Variants in LMNA observed in about 807,000 individuals in gnomAD.
The protein encoded by LMNA is lamin A/C, also known as lamin.
Under a neutral mutation model 70.4 loss-of-function variants are expected in LMNA, and 20 were observed. That is an observed-to-expected ratio of 0.28 (90% CI 0.20 to 0.41). LMNA has a LOEUF of 0.41. Among genes scored for constraint, LMNA ranks in the 10% least tolerant of loss-of-function variants. LMNA has a pLI of 1.00. For missense variants in LMNA, 652 were observed against 917.2 expected (o/e 0.71, Z 3.73); for synonymous variants, 339 against 372.8 (o/e 0.91, Z 1.04).
Position 156,137,578 on chromosome 1 carries a change from GTGGTCACT to G in LMNA, c.1609-75_1609-68del. 1 of 1,332,684 alleles carries G rather than the reference GTGGTCACT, an allele frequency of 7.5e-7. No individual in the cohort carries two copies. Among genetic ancestry groups the G allele is most frequent in the Non-Finnish European group, 1.1e-6 (1 of 952,160 alleles). 82.6% of individuals were successfully genotyped at this position (1,332,684 alleles called of 1,614,324 possible). A position where few individuals can be genotyped will look rare whatever the true frequency, so the allele number is the denominator to read the frequency against. Reference sequence around the variant, plus strand: ...GGGCAGGCCACAAGAAAAGTTGCAGGTGGTCACTGGGGTAGACATGCTGTACAACCCTT... The same window carrying G: ...GGGCAGGCCACAAGAAAAGTTGCAGGGGGGTAGACATGCTGTACAACCCTT... On this transcript the variant is annotated intron_variant, in intron 9 of 11. Coordinates refer to ENST00000368300, the MANE Select transcript of LMNA (RefSeq NM_170707.4). This position sits in a 1 kb window ranked among gnomAD's most constrained non-coding sequence, Gnocchi z 4.6.
chr1:156,120,726 C>A (rs1306302717), intron 1 of LMNA, among the ~76,000 whole-genome samples: 1 of 147,096 alleles, frequency 6.8e-6, no homozygotes, highest in African/African-American at 2.7e-5. Flanking sequence ...AAGAAAAAAA[C>A]AAAACAAAAC....
chr1:156,110,890 C>T (rs939223429), upstream of LMNA, among the ~76,000 whole-genome samples: 2 of 151,986 alleles, frequency 1.3e-5, no homozygotes, highest in Non-Finnish European at 2.9e-5. Context: ...GCAGGCAAAT[C>T]GCTTGAACAT....
In LMNA at chr1:156,138,163, A is replaced by G. The variant is rs1651831152; in HGVS notation, c.1699-325A>G. 1.8e-6 allele frequency: 1 copy of G among 545,660 alleles called. No homozygotes were observed. The highest frequency in any genetic ancestry group is 3.3e-6 in the Non-Finnish European group (1 of 303,636). 33.8% of individuals were successfully genotyped at this position (545,660 alleles called of 1,614,324 possible). On this transcript the variant is annotated intron_variant, in intron 10 of 11. Coordinates refer to ENST00000368300, the MANE Select transcript of LMNA (RefSeq NM_170707.4). This position sits in a 1 kb window ranked among gnomAD's most constrained non-coding sequence, Gnocchi z 5.5. ...CATTCCTGACCGCCCCTCCACTCCA[A>G]TTAATAGTGCATGCCTGCTGCCCTA...
chr1:156,126,625 T>G, intron 1 of LMNA: 1 of 1,089,758 alleles, frequency 9.2e-7, no homozygotes, highest in Non-Finnish European at 1.4e-6. Flanking sequence ...GGCACAGCTC[T>G]TCAGACCCCT....
rs59270054 is a variant in LMNA, at chr1:156,115,162, G to C, written c.244G>C (p.Glu82Gln). The C allele has an allele frequency of 5.6e-6, 9 of 1,612,278 alleles. No individual in the cohort carries two copies. Among genetic ancestry groups the C allele is most frequent in the Non-Finnish European group, 7.6e-6 (9 of 1,179,322 alleles). Reference sequence around the variant, plus strand: ...GGTGTCCGGCATCAAGGCCGCCTACGAGGCCGAGCTCGGGGATGCCCGCAA... The same window carrying C: ...GGTGTCCGGCATCAAGGCCGCCTACCAGGCCGAGCTCGGGGATGCCCGCAA... ...REVSGIKAAYEAELGDARKTL... is the reference protein window; with the variant it reads ...REVSGIKAAYQAELGDARKTL... The change falls in exon 1 of 12, where the codon GAG becomes CAG. Residue 82 changes from glutamate to glutamine, a missense_variant. Coordinates refer to ENST00000368300, the MANE Select transcript of LMNA (RefSeq NM_170707.4). This position sits in a 1 kb window ranked among gnomAD's most constrained non-coding sequence, Gnocchi z 5.8.
At position 156,138,845 on chromosome 1, in the gene LMNA, G is replaced by C; in HGVS notation, c.1968+88G>C. ...ACGAGGTGGCCTTGCAGGGGGGAGA[G>C]CCTGCCTTCTCTTCCGCAGCCCGGG... On this transcript the variant is annotated intron_variant, in intron 11 of 11. Coordinates refer to ENST00000368300, the MANE Select transcript of LMNA (RefSeq NM_170707.4). This position sits in a 1 kb window ranked among gnomAD's most constrained non-coding sequence, Gnocchi z 5.5. The C allele has an allele frequency of 1.3e-6, 2 of 1,539,856 alleles. No individual in the cohort carries two copies. Among genetic ancestry groups the C allele is most frequent in the Non-Finnish European group, 1.8e-6 (2 of 1,119,096 alleles).
chr1:156,109,080 T>C (rs1200251804), intron 3 of LMNA, among the ~76,000 whole-genome samples: 1 of 152,172 alleles, frequency 6.6e-6, no homozygotes, highest in Non-Finnish European at 1.5e-5. Flanking sequence ...ATCTGTAAAA[T>C]AGGGCTATTA....
At chr1:156,125,366 C>T (rs990064455) in intron 1 of LMNA, among the ~76,000 whole-genome samples, 1 of 151,894 alleles carries the variant, frequency 6.6e-6, no homozygotes, top group Non-Finnish European at 1.5e-5. Context: ...TGTCACATGG[C>T]GGGAAGTCAG....
intron 2 of LMNA, among the ~76,000 whole-genome samples, chr1:156,131,471 T>G (rs1451759606): frequency 6.6e-6 from 1 of 152,082 alleles, no homozygotes; most frequent in Non-Finnish European, 1.5e-5. Flanking sequence ...GCACCTATAG[T>G]CCCAGCTACT....
At chr1:156,129,295 G>T (rs560377409) in intron 1 of LMNA, among the ~76,000 whole-genome samples, 1 of 152,090 alleles carries the variant, frequency 6.6e-6, no homozygotes, top group African/African-American at 2.4e-5. Context: ...CCTGCCTGGT[G>T]GGGGGAGGTG....
chr1:156,090,416 A>T (rs1398435181), intron 2 of LMNA: 1 of 151,950 alleles, frequency 6.6e-6, no homozygotes, highest in Non-Finnish European at 1.5e-5. Context: ...GTGGGAAGGG[A>T]CTTGACGTTT....
chr1:156,109,968 C>T (rs1008305125), upstream of LMNA, among the ~76,000 whole-genome samples: 4 of 151,964 alleles, frequency 2.6e-5, no homozygotes, highest in East Asian at 3.9e-4. Context: ...CCATCTTAGC[C>T]TCCTGGGTAG....
At chr1:156,083,781 C>A (rs953009277) in intron 2 of LMNA, among the ~76,000 whole-genome samples, 6 of 151,910 alleles carry the variant, frequency 3.9e-5, no homozygotes, top group Non-Finnish European at 4.4e-5. Flanking sequence ...CCGTCCCCCC[C>A]ACAAAAAAAC....
At chr1:156,109,224 C>G (rs974171290) in intron 3 of LMNA, among the ~76,000 whole-genome samples, 2 of 152,350 alleles carry the variant, frequency 1.3e-5, no homozygotes, top group South Asian at 4.1e-4. Context: ...TCCCTCCTGG[C>G]TTCATCACTG....
At position 156,137,158 on chromosome 1, in the gene LMNA, C is replaced by T. The variant is rs2102895384; in HGVS notation, c.1534C>T (p.Leu512=). ...AGATHSPPTD[L]VWKAQNTWGC... is the part of the protein sequence containing the mutation. ...GGCCACCCACAGCCCCCCTACCGACCTGGTGTGGAAGGCACAGAACACCTG... is the reference window on the plus strand; with the variant it reads ...GGCCACCCACAGCCCCCCTACCGACTTGGTGTGGAAGGCACAGAACACCTG... Residue 512 remains leucine (L), a synonymous_variant, in exon 9 of 12, where the codon CTG becomes TTG. Coordinates refer to ENST00000368300, the MANE Select transcript of LMNA (RefSeq NM_170707.4). The surrounding 1 kb of genome is among the most constrained non-coding windows in gnomAD (Gnocchi z 4.6). The T allele has an allele frequency of 1.2e-6, 2 of 1,612,764 alleles. No individual in the cohort carries two copies. The highest frequency in any genetic ancestry group is 2.7e-5 in the African/African-American group (2 of 75,018).
At chr1:156,099,513 G>A (rs904522969) in intron 3 of LMNA, among the ~76,000 whole-genome samples, 9 of 152,216 alleles carry the variant, frequency 5.9e-5, no homozygotes, top group African/African-American at 2.2e-4. Context: ...TACACATGAG[G>A]CTGGGGCAGG....
chr1:156,099,698 A>C lies in LMNA; in HGVS notation c.-207+9116A>C, dbSNP rs752498750. On this transcript the variant is annotated intron_variant, in intron 3 of 12. Transcript: ENST00000368301. ...GGAGTTCAAGACCAGCCTGGCCAAC[A>C]TGGCGAAAACCCTACAGAGTCTACT... Among the ~76,000 whole-genome samples, 5 of 151,992 alleles carry C rather than the reference A, an allele frequency of 3.3e-5. No homozygotes were observed. In the East Asian group the frequency reaches 9.7e-4, roughly 29 times the overall value.
intron 2 of LMNA, among the ~76,000 whole-genome samples, chr1:156,084,335 T>C (rs11313904): frequency 0.81 from 74,653 of 91,640 alleles, 30,439 homozygotes; most frequent in East Asian, 0.95. Context: ...GGTCGGGGGG[T>C]GGTGGGGGCA....
chr1:156,133,427 T>C (rs1357194358), intron 2 of LMNA, among the ~76,000 whole-genome samples: 1 of 151,770 alleles, frequency 6.6e-6, no homozygotes, highest in Non-Finnish European at 1.5e-5. Context: ...AAAAATTAGC[T>C]GGGTGTGGTG....
Sources: gnomAD v4.1 joint callset for allele counts (sites outside exome capture counted in the v4.1 genomes callset) on GRCh38, gnomAD v4.1.1 for gene constraint, Gnocchi (gnomAD v3.1) non-coding constraint, MANE v1.5 for transcripts, NCBI Gene and HGNC (gene_info 2026-07-23, HGNC 2026-07-21) for gene names.